The following SCPEP1 variants were observed in gnomAD, a reference collection of about 807,000 sequenced individuals.
SCPEP1 encodes the protein serine carboxypeptidase 1.
SCPEP1 carries 51 observed loss-of-function variants against 63.8 expected under a neutral mutation model. The ratio of observed to expected loss-of-function variants is 0.80; its 90% CI spans 0.64 to 1.01. SCPEP1 has a LOEUF of 1.01. Ranked by LOEUF, SCPEP1 falls within the 50% of genes least tolerant of loss-of-function variation. The pLI is 0.00. For synonymous variants in SCPEP1, 204 were observed against 207.8 expected (o/e 0.98, Z 0.16); for missense variants, 499 against 554.9 (o/e 0.90, Z 1.01).
chr17:56,978,266 C>T (rs1346646009), intron 1 of SCPEP1, 31 bp downstream of exon 1: 1 of 1,510,842 alleles, frequency 6.6e-7, no homozygotes, highest in African/African-American at 1.4e-5. Flanking sequence ...CACCAGCTGC[C>T]ATGCCTCTTT....
Position 56,994,946 on chromosome 17 carries a change from A to G in SCPEP1, c.620-35A>G, listed in dbSNP as rs781543538. 5.7e-6 allele frequency: 9 copies of G among 1,582,616 alleles called. No homozygotes were observed. In the Admixed American group the frequency reaches 6.7e-5, roughly 12 times the overall value. On this transcript the variant is annotated intron_variant, in intron 6 of 12. Transcript: ENST00000262288. ...TTGTCTTTGGAAAGACAGAGGTATG[A>G]CATACTTGATTTGTACATATGTGAT...
In SCPEP1 at chr17:57,002,108, C is replaced by A. The variant is rs780080906; in HGVS notation, c.1223C>A (p.Ser408Tyr). 1 of 1,614,106 alleles carries A rather than the reference C, an allele frequency of 6.2e-7. No homozygotes were observed. The highest frequency in any genetic ancestry group is 8.5e-7 in the Non-Finnish European group (1 of 1,180,042). The change falls in exon 12 of 13, where the codon TCT becomes TAT. Residue 408 changes from serine to tyrosine, a missense_variant. By Grantham distance (144) the Ser-to-Tyr change is moderately radical (BLOSUM62 -2). Transcript: ENST00000262288. ...AAGGCCCTGTACAGTGACCCTAAAT[C>A]TTTGGAAACATCTGCTTTTGTCAAG... ...KWKALYSDPK[S>Y]LETSAFVKSY... is the part of the protein sequence containing the mutation.
intron 1 of SCPEP1, 71 bp downstream of exon 1, chr17:56,978,306 G>T (rs1910974905): frequency 6.9e-7 from 1 of 1,442,700 alleles, no homozygotes; most frequent in African/African-American, 1.5e-5. Context: ...TTGTTACTGG[G>T]TTTGTGCTTT....
chr17:57,003,389 C>T (rs547951137), intron 12 of SCPEP1, among the ~76,000 whole-genome samples: 39 of 152,194 alleles, frequency 2.6e-4, no homozygotes, highest in South Asian at 1.7e-3. Flanking sequence ...GGCCAAAGAC[C>T]AATCAATGAG....
intron 2 of SCPEP1, 133 bp from the exon 3 acceptor site, chr17:56,985,245 A>C: frequency 1.2e-5 from 8 of 684,126 alleles, no homozygotes; most frequent in African/African-American, 1.8e-5. Context: ...CTGGTTCACT[A>C]GAGAAATTGT....
At chr17:56,983,010 T>C (rs1160387633) in intron 2 of SCPEP1, 1 of 152,204 alleles carries the variant, frequency 6.6e-6, no homozygotes, top group African/African-American at 2.4e-5. Context: ...ATCGAAGTCA[T>C]GTCTTCTGAG....
Position 56,996,953 on chromosome 17 carries a change from A to G in SCPEP1, c.787-9A>G. 1.3e-6 allele frequency: 2 copies of G among 1,583,716 alleles called. No individual in the cohort carries two copies. Among genetic ancestry groups the G allele is most frequent in the Non-Finnish European group, 1.7e-6 (2 of 1,162,964 alleles). ...GAAACAAACAGCCAAATAAACTTTT[A>G]TATTTCAGAACACAGATGGGGTGAA... On this transcript the variant is annotated splice_polypyrimidine_tract_variant and intron_variant, in intron 8 of 12. Transcript: ENST00000262288.
intron 12 of SCPEP1, among the ~76,000 whole-genome samples, chr17:57,003,250 G>C (rs778639057): frequency 6.6e-6 from 1 of 152,104 alleles, no homozygotes; most frequent in African/African-American, 2.4e-5. Flanking sequence ...TGCAGAGGGG[G>C]AATTTTCATA....
chr17:56,995,215 A>G (rs1911510194), intron 7 of SCPEP1, 197 bp downstream of exon 7: 1 of 565,358 alleles, frequency 1.8e-6, no homozygotes, highest in Non-Finnish European at 3.1e-6. Flanking sequence ...ATCAGCACAC[A>G]TCACTTTTTT....
At chr17:56,985,317 C>A in intron 2 of SCPEP1, 61 bp from the exon 3 acceptor site, 4 of 1,233,924 alleles carry the variant, frequency 3.2e-6, no homozygotes, top group South Asian at 2.4e-5. Context: ...CAAATGTGGT[C>A]ATTCATTGTA....
intron 2 of SCPEP1, chr17:56,984,170 G>C (rs1219582559): frequency 6.6e-6 from 1 of 152,350 alleles, no homozygotes; most frequent in Non-Finnish European, 1.5e-5. Flanking sequence ...TGCCTGCCTT[G>C]GCCTCCCAAA....
At chr17:56,991,211 T>G (rs1421223447) in intron 6 of SCPEP1, 40 bp downstream of exon 6, 4 of 1,459,522 alleles carry the variant, frequency 2.7e-6, no homozygotes, top group Non-Finnish European at 3.8e-6. Flanking sequence ...ACTCCCCTTT[T>G]GCCCATCCTT....
intron 2 of SCPEP1, among the ~76,000 whole-genome samples, chr17:56,981,588 G>A (rs1380476852): frequency 6.6e-6 from 1 of 152,160 alleles, no homozygotes; most frequent in East Asian, 1.9e-4. Context: ...GCCGAGGTGG[G>A]TGGATCATAC....
At chr17:56,992,252 C>T (rs1485905247) in intron 6 of SCPEP1, among the ~76,000 whole-genome samples, 1 of 152,148 alleles carries the variant, frequency 6.6e-6, no homozygotes, top group East Asian at 1.9e-4. Context: ...ATAACCATTA[C>T]GACTTGGAAT....
At chr17:56,995,701 T>C (rs964495217) in intron 8 of SCPEP1, 66 bp downstream of exon 8, 8 of 1,532,420 alleles carry the variant, frequency 5.2e-6, no homozygotes, top group South Asian at 1.3e-5. Flanking sequence ...GGGCCCATGG[T>C]TGGTGTTGTC....
chr17:56,997,178 G>A, intron 9 of SCPEP1, 123 bp downstream of exon 9: 1 of 589,326 alleles, frequency 1.7e-6, no homozygotes, highest in Non-Finnish European at 2.9e-6. Flanking sequence ...TTAACTCACT[G>A]TAAGTGGTTT....
chr17:56,985,303 A>G (rs1363123148), intron 2 of SCPEP1, 75 bp from the exon 3 acceptor site: 2 of 1,111,884 alleles, frequency 1.8e-6, no homozygotes, highest in African/African-American at 1.5e-5. Flanking sequence ...TAAACCATCT[A>G]TAGCAAATGT....
At position 57,000,826 on chromosome 17, in the gene SCPEP1, A is replaced by G. The variant is rs190251302; in HGVS notation, c.995-29A>G. 62 of 1,612,772 alleles carry G rather than the reference A, an allele frequency of 3.8e-5. No individual in the cohort carries two copies. The African/African-American group carries it at 7.1e-4, about 18-fold the overall frequency. On this transcript the variant is annotated intron_variant, in intron 10 of 12. Coordinates refer to ENST00000262288, the MANE Select transcript of SCPEP1 (RefSeq NM_021626.3). ...CTCCTGTTTTGGCAGATTCCAAGCT[A>G]CTCCCTCTTTCTCCTTCCCCATGTG... is the stretch of plus-strand genomic sequence containing the variant.
chr17:57,006,136 C>T, intron 12 of SCPEP1, 37 bp from the exon 13 acceptor site: 1 of 1,552,022 alleles, frequency 6.4e-7, no homozygotes, highest in Non-Finnish European at 8.8e-7. Flanking sequence ...CCAGGAATAG[C>T]ACCAGGAGCA....
Sources: gnomAD v4.1 joint callset for allele counts (sites outside exome capture counted in the v4.1 genomes callset) on GRCh38, gnomAD v4.1.1 for gene constraint, MANE v1.5 for transcripts, NCBI Gene and HGNC (gene_info 2026-07-23, HGNC 2026-07-21) for gene names.